The following CREB3L2 variants were observed in gnomAD, a reference collection of about 807,000 sequenced individuals.
The protein encoded by CREB3L2 is cyclic AMP-responsive element-binding protein 3-like protein 2.
CREB3L2 carries 23 observed loss-of-function variants against 57.2 expected under a neutral mutation model. The ratio of observed to expected loss-of-function variants is 0.40; its 90% confidence interval spans 0.29 to 0.57. CREB3L2 has a LOEUF of 0.57. CREB3L2 is among the 20% of genes least tolerant of loss of function. CREB3L2 has a pLI of 0.42. For missense variants in CREB3L2, 628 were observed against 634.7 expected, an observed-to-expected ratio of 0.99 and a Z score of 0.11; for synonymous variants, 268 against 265.1, an observed-to-expected ratio of 1.01 and a Z score of -0.11.
chr7:137,913,917 CA>C (rs1800069308), intron 3 of CREB3L2, among the ~76,000 whole-genome samples: 3 of 152,032 alleles, frequency 2.0e-5, no homozygotes, highest in African/African-American at 7.2e-5. Context: ...AAGGAGGGGC[CA>C]GGGGGTCTCT....
rs1244475546 is a variant in CREB3L2, at chr7:137,947,020, A to ATATAGT, written c.103-18655_103-18654insACTATA. Reference sequence around the variant, plus strand: ...TATAGTTATATATATATAGTTATATATATATATATAGTTCAATCCATAGAC... The same window carrying ATATAGT: ...TATAGTTATATATATATAGTTATATATATAGTTATATATATAGTTCAATCCATAGAC... On this transcript the variant is annotated intron_variant, in intron 1 of 11. Transcript: ENST00000330387. 3.6e-5 allele frequency among the ~76,000 whole-genome samples: 5 copies of ATATAGT among 137,484 alleles called. 1 individual carries two copies. The highest frequency in any genetic ancestry group is 1.4e-4 in the African/African-American group (5 of 34,572). The allele number at this position is 137,484 out of a possible 152,430, so 90.2% of individuals were successfully genotyped here. A position where few individuals can be genotyped will look rare whatever the true frequency, so the allele number is the denominator to read the frequency against.
At chr7:137,966,481 T>C (rs1031039298) in intron 1 of CREB3L2, among the ~76,000 whole-genome samples, 1 of 152,154 alleles carries the variant, frequency 6.6e-6, no homozygotes, top group Admixed American at 6.5e-5. Context: ...AAGAAGTGTA[T>C]GTTGATCCTA....
chr7:137,983,209 C>T (rs1315800281), intron 1 of CREB3L2, among the ~76,000 whole-genome samples: 4 of 152,184 alleles, frequency 2.6e-5, no homozygotes, highest in Admixed American at 6.5e-5. Flanking sequence ...ACCAACCACA[C>T]GGCCCTATGA....
chr7:137,881,166 C>T (rs1799282665), intron 11 of CREB3L2, among the ~76,000 whole-genome samples: 1 of 152,110 alleles, frequency 6.6e-6, no homozygotes, highest in South Asian at 2.1e-4. Flanking sequence ...TAAGAAGGCA[C>T]TGGGTCTTCT....
intron 1 of CREB3L2, among the ~76,000 whole-genome samples, chr7:137,993,026 C>T (rs1213674777): frequency 6.6e-6 from 1 of 152,132 alleles, no homozygotes; most frequent in Non-Finnish European, 1.5e-5. Flanking sequence ...AACATGTGTT[C>T]AAGGCAGAGG....
At position 137,877,923 on chromosome 7, in the gene CREB3L2, C is replaced by T. The variant is rs1460226023; in HGVS notation, c.*2553G>A. On this transcript the variant is annotated 3_prime_UTR_variant, in exon 12 of 12. Coordinates refer to ENST00000330387, the MANE Select transcript of CREB3L2 (RefSeq NM_194071.4). ...TGTCCTCTTGACCCCATTTTGTCCTCCTAAAGGGACAACTGTTAGTTCCTT... is the reference window on the plus strand; with the variant it reads ...TGTCCTCTTGACCCCATTTTGTCCTTCTAAAGGGACAACTGTTAGTTCCTT... 4.4e-6 allele frequency: 1 copy of T among 227,994 alleles called. No individual in the cohort carries two copies. The highest frequency in any genetic ancestry group is 6.3e-5 in the East Asian group (1 of 15,882). The allele number at this position is 227,994 out of a possible 1,614,324, so 14.1% of individuals were successfully genotyped here. A position where few individuals can be genotyped will look rare whatever the true frequency, so the allele number is the denominator to read the frequency against.
intron 1 of CREB3L2, among the ~76,000 whole-genome samples, chr7:137,960,813 T>C (rs899325137): frequency 1.7e-4 from 23 of 133,368 alleles, no homozygotes; most frequent in Middle Eastern, 3.6e-3. Context: ...TTATTTCTTT[T>C]TTTTTTTTTT....
Position 137,979,535 on chromosome 7 carries a change from C to T in CREB3L2, c.102+22069G>A, listed in dbSNP as rs368756997. ...GGTCAGGAGATCGAGACCATCCTGG[C>T]TAACATGGTGAAACCCCACCTCTAC... is the stretch of plus-strand genomic sequence containing the variant. On this transcript the variant is annotated intron_variant, in intron 1 of 11. Transcript: ENST00000330387. Among the ~76,000 whole-genome samples, 10 of 152,228 alleles carry T rather than the reference C, an allele frequency of 6.6e-5. No homozygotes were observed. In the East Asian group the frequency reaches 1.7e-3, roughly 26 times the overall value.
chr7:137,959,435 G>A (rs1187185831), intron 1 of CREB3L2, among the ~76,000 whole-genome samples: 1 of 152,172 alleles, frequency 6.6e-6, no homozygotes, highest in Non-Finnish European at 1.5e-5. Flanking sequence ...AGAGCTGGCT[G>A]ACCAGCACCT....
intron 2 of CREB3L2, among the ~76,000 whole-genome samples, chr7:137,922,388 A>ATATATATATATATATG (rs1800313539): frequency 5.2e-5 from 1 of 19,416 alleles, no homozygotes; most frequent in African/African-American, 2.1e-4. Flanking sequence ...ATATATGTAT[A>ATATATATATATATATG]TATATATATA....
chr7:137,975,704 G>A (rs919830347), intron 1 of CREB3L2, among the ~76,000 whole-genome samples: 1 of 152,072 alleles, frequency 6.6e-6, no homozygotes, highest in Non-Finnish European at 1.5e-5. Flanking sequence ...GAAAGATTCA[G>A]TTAGAGCCCG....
chr7:137,926,829 T>A (rs1187161798), intron 2 of CREB3L2, among the ~76,000 whole-genome samples: 1 of 152,024 alleles, frequency 6.6e-6, no homozygotes, highest in Non-Finnish European at 1.5e-5. Context: ...TAGCTGGCTA[T>A]CCCTCTAGGA....
intron 4 of CREB3L2, among the ~76,000 whole-genome samples, chr7:137,912,367 C>T (rs1800027657): frequency 7.0e-6 from 1 of 143,646 alleles, no homozygotes; most frequent in Admixed American, 6.9e-5. Flanking sequence ...CAGAGTGAGA[C>T]TCTGTCTCAA....
chr7:137,946,426 G>GA (rs34011740), intron 1 of CREB3L2, among the ~76,000 whole-genome samples: 7,246 of 102,272 alleles, frequency 0.071, 486 homozygotes, highest in African/African-American at 0.2. Flanking sequence ...TACAAATGCA[G>GA]AAAAAAAAAA....
intron 1 of CREB3L2, among the ~76,000 whole-genome samples, chr7:137,977,646 C>T (rs1000989798): frequency 6.6e-6 from 1 of 152,070 alleles, no homozygotes; most frequent in Non-Finnish European, 1.5e-5. Context: ...TAGGGCTGGG[C>T]GTGGTGGCTC....
intron 2 of CREB3L2, among the ~76,000 whole-genome samples, chr7:137,923,351 G>C (rs1007818807): frequency 1.3e-5 from 2 of 152,180 alleles, no homozygotes; most frequent in Non-Finnish European, 2.9e-5. Context: ...CAAAAAAGCG[G>C]AGGAATAGCA....
rs753471772 is a variant in CREB3L2 at position 137,888,070 on chromosome 7, A to C, written c.1044-2568T>G. On this transcript the variant is annotated intron_variant, in intron 8 of 11. Transcript: ENST00000330387. ...TGAACTCGAGCAATCCTCCTGCCTCAGCCTCCTGAGTAGCTGGGAGGGAAT... is the reference window on the plus strand; with the variant it reads ...TGAACTCGAGCAATCCTCCTGCCTCCGCCTCCTGAGTAGCTGGGAGGGAAT... Among the ~76,000 whole-genome samples the C allele has an allele frequency of 4.6e-5, 7 of 152,218 alleles. No homozygotes were observed. The South Asian group carries it at 1.5e-3, about 32-fold the overall frequency.
intron 1 of CREB3L2, among the ~76,000 whole-genome samples, chr7:137,977,747 C>T (rs983067946): frequency 7.2e-5 from 11 of 152,002 alleles, no homozygotes; most frequent in Non-Finnish European, 1.3e-4. Flanking sequence ...ATGATGAAAC[C>T]CTGATTCTAC....
intron 1 of CREB3L2, among the ~76,000 whole-genome samples, chr7:137,970,569 G>A (rs771525969): frequency 8.6e-6 from 1 of 116,484 alleles, no homozygotes; most frequent in Admixed American, 1.3e-4. Context: ...GGTCTTCTTC[G>A]ATAAGCCGGA....
Sources: allele counts gnomAD v4.1 joint callset (sites outside exome capture counted in the v4.1 genomes callset), GRCh38; gene constraint gnomAD v4.1.1; transcripts MANE v1.5; gene names NCBI Gene and HGNC (gene_info 2026-07-23, HGNC 2026-07-21).